PRR16: variants seen among roughly 807,000 people sequenced by gnomAD.
The protein encoded by PRR16 is proline rich 16, also known as protein Largen.
In PRR16, 6 loss-of-function variants were observed where a neutral mutation model predicts 18.2. That is an observed-to-expected ratio of 0.33 (90% CI 0.18 to 0.65). PRR16 has a LOEUF of 0.65. Ranked by LOEUF, PRR16 falls within the 30% of genes least tolerant of loss-of-function variation. The pLI is 0.74. For synonymous variants in PRR16, 151 were observed against 147.8 expected, an observed-to-expected ratio of 1.02 and a Z score of -0.16; for missense variants, 412 against 376.6, an observed-to-expected ratio of 1.09 and a Z score of -0.78.
At chr5:120,505,946 G>GTATATATATA (rs10635515) in intron 1 of PRR16, among the ~76,000 whole-genome samples, 7 of 141,306 alleles carry the variant, frequency 5.0e-5, no homozygotes, top group Non-Finnish European at 9.2e-5. Context: ...GTGTGTGTGT[G>GTATATATATA]TATATATATA....
At chr5:120,620,129 G>A (rs1172674953) in intron 1 of PRR16, among the ~76,000 whole-genome samples, 2 of 152,132 alleles carry the variant, frequency 1.3e-5, no homozygotes, top group Non-Finnish European at 2.9e-5. Flanking sequence ...GTAAAGTTTG[G>A]TGTTTCTGTG....
At chr5:120,742,500 T>G in the PRR16 span, among the ~76,000 whole-genome samples, 1 of 148,666 alleles carries the variant, frequency 6.7e-6, no homozygotes, top group South Asian at 2.1e-4. Flanking sequence ...TTTAAATTAT[T>G]TTTTAGTTTT....
chr5:120,523,894 A>C (rs1190755220), intron 1 of PRR16, among the ~76,000 whole-genome samples: 1 of 152,160 alleles, frequency 6.6e-6, no homozygotes, highest in Non-Finnish European at 1.5e-5. Flanking sequence ...AATTCAACCC[A>C]AGAGAAATAT....
the PRR16 span, among the ~76,000 whole-genome samples, chr5:120,787,395 T>C: frequency 6.6e-6 from 1 of 152,154 alleles, no homozygotes; most frequent in South Asian, 2.1e-4. Flanking sequence ...TAACAAATCT[T>C]CAAAATTCAG....
At chr5:120,523,380 A>G (rs899925054) in intron 1 of PRR16, among the ~76,000 whole-genome samples, 1 of 152,156 alleles carries the variant, frequency 6.6e-6, no homozygotes. Flanking sequence ...TGACATCATC[A>G]TTATTATTAT....
chr5:120,521,182 AT>A (rs1052695382), intron 1 of PRR16, among the ~76,000 whole-genome samples: 1 of 152,184 alleles, frequency 6.6e-6, no homozygotes, highest in African/African-American at 2.4e-5. Context: ...TGAAAGGAGC[AT>A]AACCTTGGAT....
rs868595040 is a variant in PRR16 at position 120,543,033 on chromosome 5, A to G, written c.159+78388A>G. 4.6e-5 allele frequency among the ~76,000 whole-genome samples: 7 copies of G among 152,232 alleles called. No homozygotes were observed. The South Asian group carries it at 8.3e-4, about 18-fold the overall frequency. On this transcript the variant is annotated intron_variant, in intron 1 of 1. Coordinates refer to ENST00000407149, the MANE Select transcript of PRR16 (RefSeq NM_001300783.2). ...TAGAGCCTTTACTGAGGATTATTAC[A>G]TTTCTGTCCTTTTAAATAATTCATC...
the PRR16 span, among the ~76,000 whole-genome samples, chr5:120,706,091 C>T: frequency 1.3e-5 from 2 of 151,966 alleles, no homozygotes; most frequent in East Asian, 1.9e-4. Context: ...CAAATGATCC[C>T]GGTAAATAAT....
chr5:120,677,496 C>G (rs970285870), intron 1 of PRR16, among the ~76,000 whole-genome samples: 1 of 152,292 alleles, frequency 6.6e-6, no homozygotes, highest in Admixed American at 6.5e-5. Flanking sequence ...TTAGAAATTC[C>G]TATAGCTCCC....
the PRR16 span, among the ~76,000 whole-genome samples, chr5:120,697,313 T>TAG: frequency 6.8e-4 from 104 of 152,326 alleles, no homozygotes; most frequent in African/African-American, 2.4e-3. Flanking sequence ...TATGGTGATG[T>TAG]AGATGGGACA....
In PRR16 at chr5:120,658,077, A is replaced by G. The variant is rs558732854; in HGVS notation, c.160-27877A>G. On this transcript the variant is annotated intron_variant, in intron 1 of 1. Coordinates refer to ENST00000407149, the MANE Select transcript of PRR16 (RefSeq NM_001300783.2). ...TTGTTGTTCCCAGAGAGCTCTAACT[A>G]TTGGACCCATGTTTGAAAATGAAAT... 3 of 151,930 alleles carry G rather than the reference A, an allele frequency of 2.0e-5. No individual in the cohort carries two copies. In the South Asian group the frequency reaches 6.2e-4, roughly 32 times the overall value. The allele number at this position is 151,930 out of a possible 1,614,324, so 9.4% of individuals were successfully genotyped here. A position where few individuals can be genotyped will look rare whatever the true frequency, so the allele number is the denominator to read the frequency against.
chr5:120,767,391 A>G, the PRR16 span, among the ~76,000 whole-genome samples: 1 of 151,920 alleles, frequency 6.6e-6, no homozygotes, highest in African/African-American at 2.4e-5. Context: ...ACTCTCCAAT[A>G]AAATACTGTA....
intron 1 of PRR16, among the ~76,000 whole-genome samples, chr5:120,614,841 C>T (rs1411614550): frequency 1.3e-5 from 2 of 152,142 alleles, no homozygotes; most frequent in Non-Finnish European, 2.9e-5. Context: ...CAGAATTTGG[C>T]TCTTTCACTT....
intron 1 of PRR16, among the ~76,000 whole-genome samples, chr5:120,509,035 T>C (rs1202764666): frequency 6.6e-6 from 1 of 152,148 alleles, no homozygotes; most frequent in East Asian, 1.9e-4. Context: ...CTGATGGGAC[T>C]AGCTTTCTGT....
At chr5:120,522,479 A>G (rs1352453664) in intron 1 of PRR16, among the ~76,000 whole-genome samples, 1 of 152,180 alleles carries the variant, frequency 6.6e-6, no homozygotes. Flanking sequence ...TCTTTTGAGA[A>G]ATGTCTGTTC....
At chr5:120,583,482 G>T (rs1380830829) in intron 1 of PRR16, among the ~76,000 whole-genome samples, 1 of 152,092 alleles carries the variant, frequency 6.6e-6, no homozygotes, top group Non-Finnish European at 1.5e-5. Context: ...TAGGGGTTAG[G>T]CCAGCTCACA....
intron 1 of PRR16, among the ~76,000 whole-genome samples, chr5:120,669,219 C>A (rs183218011): frequency 3.7e-4 from 57 of 152,148 alleles, no homozygotes; most frequent in African/African-American, 1.4e-3. Flanking sequence ...ATTATTACCC[C>A]AGTGTTTGAA....
chr5:120,568,296 A>G (rs2112730240), intron 1 of PRR16, among the ~76,000 whole-genome samples: 1 of 152,246 alleles, frequency 6.6e-6, no homozygotes, highest in East Asian at 1.9e-4. Context: ...TAGAGCTGGG[A>G]TAGGGCCCGA....
At chr5:120,487,141 G>C (rs1016736953) in intron 1 of PRR16, among the ~76,000 whole-genome samples, 2 of 152,084 alleles carry the variant, frequency 1.3e-5, no homozygotes, top group Non-Finnish European at 2.9e-5. Context: ...CTCTTTTCTC[G>C]TTCCATATGA....
Sources: allele counts gnomAD v4.1 joint callset (sites outside exome capture counted in the v4.1 genomes callset), GRCh38; gene constraint gnomAD v4.1.1; transcripts MANE v1.5; gene names NCBI Gene and HGNC (gene_info 2026-07-23, HGNC 2026-07-21).